Variants in PHKB observed in about 807,000 individuals in gnomAD.
PHKB encodes the protein phosphorylase kinase regulatory subunit beta.
PHKB carries 122 observed loss-of-function variants against 152.1 expected under a neutral mutation model. The ratio of observed to expected loss-of-function variants is 0.80; its 90% CI spans 0.69 to 0.93. The LOEUF is 0.93. Among genes scored for constraint, PHKB ranks in the 40% least tolerant of loss-of-function variants. PHKB has a pLI of 0.00. For synonymous variants in PHKB, 436 were observed against 464.9 expected, an observed-to-expected ratio of 0.94 and a Z score of 0.80; for missense variants, 1,304 against 1,328.4, an observed-to-expected ratio of 0.98 and a Z score of 0.29.
chr16:47,463,988 G>T, intron 1 of PHKB: 2 of 1,608,408 alleles, frequency 1.2e-6, no homozygotes, highest in South Asian at 1.1e-5. Flanking sequence ...GCTTTCTTAA[G>T]GTCTGGTAAG....
In PHKB at chr16:47,528,065, G is replaced by A. The variant is rs558177615; in HGVS notation, c.594+12464G>A. On this transcript the variant is annotated intron_variant, in intron 6 of 30. Coordinates refer to ENST00000323584, the MANE Select transcript of PHKB (RefSeq NM_000293.3). ...ACTGTAAGTGACTTAGAAAGAAATAGAATAATGAAATAGACTTATAACAGT... is the reference window on the plus strand; with the variant it reads ...ACTGTAAGTGACTTAGAAAGAAATAAAATAATGAAATAGACTTATAACAGT... Among the ~76,000 whole-genome samples the A allele has an allele frequency of 5.3e-5, 8 of 152,338 alleles. No homozygotes were observed. The South Asian group carries it at 1.2e-3, about 24-fold the overall frequency.
chr16:47,675,960 CT>C (rs1973725225), intron 26 of PHKB: 2 of 152,148 alleles, frequency 1.3e-5, no homozygotes, highest in African/African-American at 4.8e-5. Context: ...TAAAAAGATA[CT>C]TTTGTGTCTT....
intron 1 of PHKB, among the ~76,000 whole-genome samples, chr16:47,467,869 G>A (rs1157037859): frequency 6.6e-6 from 1 of 152,120 alleles, no homozygotes; most frequent in African/African-American, 2.4e-5. Flanking sequence ...GAGAGTAAGA[G>A]GAACTCCCTA....
At chr16:47,574,630 A>G (rs1445592312) in intron 7 of PHKB, among the ~76,000 whole-genome samples, 2 of 152,174 alleles carry the variant, frequency 1.3e-5, no homozygotes, top group Non-Finnish European at 1.5e-5. Context: ...ACTAAGTGGA[A>G]CTGGAGTATA....
chr16:47,581,759 G>A (rs1323106966), intron 8 of PHKB, among the ~76,000 whole-genome samples: 2 of 152,006 alleles, frequency 1.3e-5, no homozygotes, highest in Non-Finnish European at 2.9e-5. Flanking sequence ...GGCTCACTGC[G>A]ACCTCCGCCT....
intron 7 of PHKB, among the ~76,000 whole-genome samples, chr16:47,572,964 C>A (rs1323320832): frequency 6.6e-6 from 1 of 152,172 alleles, no homozygotes; most frequent in Non-Finnish European, 1.5e-5. Flanking sequence ...ATACAAGGTC[C>A]TTTCCCTTTC....
At chr16:47,526,796 G>A (rs915934499) in intron 6 of PHKB, among the ~76,000 whole-genome samples, 6 of 152,108 alleles carry the variant, frequency 3.9e-5, no homozygotes, top group Admixed American at 2.6e-4. Flanking sequence ...GTATTAGGCC[G>A]TTCTTGCATT....
intron 29 of PHKB, among the ~76,000 whole-genome samples, chr16:47,697,141 C>G (rs1974162212): frequency 6.6e-6 from 1 of 152,186 alleles, no homozygotes; most frequent in East Asian, 1.9e-4. Context: ...TTTAGCTTAT[C>G]CGCACTTTGT....
In PHKB at chr16:47,598,859, C is replaced by T; in HGVS notation, c.1363+2328C>T. 6 of 1,606,220 alleles carry T rather than the reference C, an allele frequency of 3.7e-6. No homozygotes were observed. The South Asian group carries it at 6.6e-5, about 18-fold the overall frequency. On this transcript the variant is annotated intron_variant, in intron 13 of 30. Transcript: ENST00000323584. The stretch of plus-strand genomic sequence containing the variant: ...GCCAGCTTCTCATTTGTAATCTGTT[C>T]TGTATACTTTCTATATGCTGCATTT...
In PHKB at chr16:47,689,096, G is replaced by T; in HGVS notation, c.2686G>T (p.Ala896Ser). ...TCAGATCCGTGGCGGAGACAAGCCA[G>T]CCTTGGACTTGTATCAGCTGTCACC... ...ELQIRGGDKP[A>S]LDLYQLSPSE... Residue 896 changes from alanine to serine, a missense_variant, in exon 27 of 31, where the codon GCC (alanine) becomes TCC (serine). Ala to Ser is a moderately conservative substitution (Grantham distance 99). Transcript: ENST00000323584. The T allele has an allele frequency of 3.7e-6, 6 of 1,613,908 alleles. No individual in the cohort carries two copies. The highest frequency in any genetic ancestry group is 5.1e-6 in the Non-Finnish European group (6 of 1,179,824).
Position 47,510,167 on chromosome 16 carries a change from AGAT to A in PHKB, c.406-1496_406-1494del, listed in dbSNP as rs1207611021. 7.2e-5 allele frequency among the ~76,000 whole-genome samples: 11 copies of A among 152,328 alleles called. No individual in the cohort carries two copies. The East Asian group carries it at 2.1e-3, about 29-fold the overall frequency. Reference sequence around the variant, plus strand: ...GGGGTGCATTACCCTCTTGGCATGCAGATGTGTTCACAGACCCAGAAGCCCTCC... The same window carrying A: ...GGGGTGCATTACCCTCTTGGCATGCAGTGTTCACAGACCCAGAAGCCCTCC... On this transcript the variant is annotated intron_variant, in intron 4 of 30. Transcript: ENST00000323584.
At chr16:47,503,735 A>C (rs745812213) in intron 4 of PHKB, among the ~76,000 whole-genome samples, 33 of 152,272 alleles carry the variant, frequency 2.2e-4, no homozygotes, top group Non-Finnish European at 3.7e-4. Flanking sequence ...AGGCTGAGGC[A>C]GGAGAATCGC....
At chr16:47,661,845 G>C (rs560379086) in intron 23 of PHKB, 45 bp downstream of exon 23, 1 of 1,168,278 alleles carries the variant, frequency 8.6e-7, no homozygotes, top group Non-Finnish European at 1.3e-6. Flanking sequence ...GACCTCTCTA[G>C]CCTTGAACAT....
intron 18 of PHKB, 150 bp from the exon 19 acceptor site, chr16:47,650,394 T>C (rs1973214195): frequency 7.4e-6 from 5 of 675,364 alleles, no homozygotes; most frequent in South Asian, 6.3e-5. Flanking sequence ...GCTAGAGTAC[T>C]TCTACCCCTA....
chr16:47,511,703 T>G lies in PHKB; in HGVS notation c.444T>G (p.Cys148Trp). 6.2e-7 allele frequency: 1 copy of G among 1,613,476 alleles called. No homozygotes were observed. The highest frequency in any genetic ancestry group is 8.5e-7 in the Non-Finnish European group (1 of 1,179,414). The change falls in exon 5 of 31, where the codon TGT becomes TGG. Residue 148 changes from cysteine (C) to tryptophan (W), a missense_variant. Cys to Trp is a radical substitution (Grantham distance 215, BLOSUM62 -2). Coordinates refer to ENST00000323584, the MANE Select transcript of PHKB (RefSeq NM_000293.3). ...QFKQDPRPTT[C>W]LHSVFNVHTG... ...AGCAGGATCCACGCCCAACAACATG[T>G]CTTCACTCTGTTTTCAATGTGCATA...
intron 7 of PHKB, among the ~76,000 whole-genome samples, chr16:47,579,932 C>T (rs1971813850): frequency 6.6e-6 from 1 of 152,110 alleles, no homozygotes; most frequent in African/African-American, 2.4e-5. Context: ...TTGATCTGAA[C>T]TAATGATTTC....
intron 7 of PHKB, among the ~76,000 whole-genome samples, chr16:47,558,413 T>C (rs1390987177): frequency 3.3e-5 from 5 of 152,074 alleles, no homozygotes; most frequent in Non-Finnish European, 7.4e-5. Flanking sequence ...TTTAAAAAAA[T>C]GTGAGGTCAT....
Position 47,565,126 on chromosome 16 carries a change from G to A in PHKB, c.711-15169G>A, listed in dbSNP as rs375087967. On this transcript the variant is annotated intron_variant, in intron 7 of 30. Coordinates refer to ENST00000323584, the MANE Select transcript of PHKB (RefSeq NM_000293.3). ...CCTCGTTTTCATTTTCACCATCAAC[G>A]GAGACAGCAGCATACTTGCTTGCAG... The A allele has an allele frequency of 1.6e-3, 835 of 519,124 alleles. 6 individuals are homozygous for A. Among genetic ancestry groups the A allele is most frequent in the South Asian group, 0.012 (807 of 67,792 alleles). 32.2% of individuals were successfully genotyped at this position (519,124 alleles called of 1,614,324 possible).
At chr16:47,664,397 A>T (rs956574033) in intron 24 of PHKB, 1 of 176,146 alleles carries the variant, frequency 5.7e-6, no homozygotes, top group Non-Finnish European at 1.2e-5. Flanking sequence ...ATACACATGC[A>T]CACATTTTTT....
Sources: allele counts gnomAD v4.1 joint callset (sites outside exome capture counted in the v4.1 genomes callset), GRCh38; gene constraint gnomAD v4.1.1; transcripts MANE v1.5; gene names NCBI Gene and HGNC (gene_info 2026-07-23, HGNC 2026-07-21).